The following PDE4B variants were observed in gnomAD, a reference collection of about 807,000 sequenced individuals.
PDE4B encodes phosphodiesterase 4B.
PDE4B carries 20 observed loss-of-function variants against 82.2 expected under a neutral mutation model. That is an observed-to-expected ratio of 0.24 (90% CI 0.17 to 0.35). The LOEUF is 0.35. PDE4B is among the 10% of genes least tolerant of loss of function. The probability of loss-of-function intolerance (pLI) is 1.00; values close to 1 mark genes in which losing one functional copy is unlikely to be tolerated. For missense variants in PDE4B, 655 were observed against 907.2 expected, an observed-to-expected ratio of 0.72 and a Z score of 3.57; for synonymous variants, 320 against 318.9, an observed-to-expected ratio of 1.00 and a Z score of -0.04.
At chr1:66,038,368 T>A (rs1654175292) in intron 3 of PDE4B, among the ~76,000 whole-genome samples, 1 of 152,138 alleles carries the variant, frequency 6.6e-6, no homozygotes, top group African/African-American at 2.4e-5. Context: ...TAGAACCACA[T>A]AGCAGGGGGT....
chr1:66,031,914 C>T (rs1374115021), intron 3 of PDE4B, among the ~76,000 whole-genome samples: 1 of 152,180 alleles, frequency 6.6e-6, no homozygotes, highest in Non-Finnish European at 1.5e-5. Flanking sequence ...AATTAACTTT[C>T]CATCCTCTCC....
At chr1:65,896,847 A>C (rs1646915849) in intron 1 of PDE4B, among the ~76,000 whole-genome samples, 1 of 152,180 alleles carries the variant, frequency 6.6e-6, no homozygotes. Context: ...ACTGTGAAGC[A>C]GTTGTTATAT....
chr1:65,970,779 A>G (rs375728377), intron 3 of PDE4B, among the ~76,000 whole-genome samples: 1 of 152,102 alleles, frequency 6.6e-6, no homozygotes, highest in East Asian at 1.9e-4. Context: ...CATTGCATCT[A>G]TAACAAGCAA....
At chr1:66,049,477 A>G (rs768586296) in intron 3 of PDE4B, among the ~76,000 whole-genome samples, 1 of 152,032 alleles carries the variant, frequency 6.6e-6, no homozygotes, top group Non-Finnish European at 1.5e-5. Context: ...TCACCAAATA[A>G]TAGAGGGTGC....
At position 66,219,913 on chromosome 1, in the gene PDE4B, A is replaced by C. The variant is rs960103286; in HGVS notation, c.282-27547A>C. Among the ~76,000 whole-genome samples, 5 of 152,170 alleles carry C rather than the reference A, an allele frequency of 3.3e-5. No individual in the cohort carries two copies. The East Asian group carries it at 5.8e-4, about 18-fold the overall frequency. On this transcript the variant is annotated intron_variant, in intron 3 of 16. Transcript: ENST00000341517. ...GCAGCAGAGACAACATACTGTGTAC[A>C]ATTCTGGAAACATTTATCATTTCTC...
intron 3 of PDE4B, among the ~76,000 whole-genome samples, chr1:66,153,411 A>G (rs1450215946): frequency 6.6e-6 from 1 of 152,176 alleles, no homozygotes; most frequent in African/African-American, 2.4e-5. Context: ...TCTGCTTTGC[A>G]TTATTTGTAA....
intron 3 of PDE4B, among the ~76,000 whole-genome samples, chr1:66,230,255 G>A (rs191367299): frequency 6.4e-4 from 97 of 152,314 alleles, no homozygotes; most frequent in African/African-American, 2.3e-3. Flanking sequence ...AAGCAGAAAT[G>A]AGTAAATAAA....
Position 66,367,687 on chromosome 1 carries a change from AT to A in PDE4B, c.1385-6del, listed in dbSNP as rs775761439. 6.2e-7 allele frequency: 1 copy of A among 1,601,630 alleles called. No individual in the cohort carries two copies. On this transcript the variant is annotated splice_polypyrimidine_tract_variant and splice_region_variant and intron_variant, in intron 13 of 16. Coordinates refer to ENST00000341517, the MANE Select transcript of PDE4B (RefSeq NM_002600.4). ...TTTAATTAAGTCATCATTTGGTCTG[AT>A]TTATTAGATTCAGAACTTGCTTTGA...
intron 7 of PDE4B, among the ~76,000 whole-genome samples, chr1:66,302,190 T>C (rs1657942575): frequency 1.3e-5 from 2 of 152,164 alleles, no homozygotes; most frequent in Admixed American, 6.6e-5. Context: ...CAGGAGGCAA[T>C]GGAAAAGCAC....
chr1:66,286,395 G>A (rs977422719), intron 7 of PDE4B, among the ~76,000 whole-genome samples: 1 of 152,064 alleles, frequency 6.6e-6, no homozygotes. Flanking sequence ...ATAGCCTGTG[G>A]CCTTGGCAGA....
intron 3 of PDE4B, among the ~76,000 whole-genome samples, chr1:65,965,255 C>CA (rs1292561038): frequency 6.6e-6 from 1 of 151,914 alleles, no homozygotes; most frequent in Non-Finnish European, 1.5e-5. Flanking sequence ...CTCCCCCCCC[C>CA]ATGGAAAAGG....
At chr1:66,146,492 G>T (rs560211034) in intron 3 of PDE4B, among the ~76,000 whole-genome samples, 53 of 152,144 alleles carry the variant, frequency 3.5e-4, no homozygotes, top group Non-Finnish European at 6.3e-4. Context: ...CCTGGGCAGT[G>T]TGATTTTATG....
At chr1:66,345,290 T>A (rs1661310308) in intron 8 of PDE4B, among the ~76,000 whole-genome samples, 1 of 151,738 alleles carries the variant, frequency 6.6e-6, no homozygotes, top group South Asian at 2.1e-4. Flanking sequence ...ATTTATTATA[T>A]TCTCGTATAA....
At chr1:65,914,074 C>T (rs909679031) in intron 2 of PDE4B, among the ~76,000 whole-genome samples, 15 of 152,050 alleles carry the variant, frequency 9.9e-5, no homozygotes, top group African/African-American at 3.6e-4. Context: ...TCATCTTTAC[C>T]CAATTACTGT....
chr1:66,338,826 G>A (rs1660725019), intron 8 of PDE4B, among the ~76,000 whole-genome samples: 1 of 151,804 alleles, frequency 6.6e-6, no homozygotes, highest in South Asian at 2.1e-4. Flanking sequence ...AGACCATCCC[G>A]GCTAAAACGG....
chr1:66,141,421 A>ATGACTTTATTT (rs1389847930), intron 3 of PDE4B, among the ~76,000 whole-genome samples: 1 of 149,556 alleles, frequency 6.7e-6, no homozygotes, highest in Non-Finnish European at 1.5e-5. Context: ...TTTCCCGAAG[A>ATGACTTTATTT]TGACTTTATT....
chr1:65,919,104 T>C (rs1647194542), intron 3 of PDE4B, among the ~76,000 whole-genome samples: 1 of 152,198 alleles, frequency 6.6e-6, no homozygotes, highest in Admixed American at 6.5e-5. Context: ...GATAACAAAA[T>C]TACTGCTTAT....
At chr1:66,205,823 T>G (rs1258612911) in intron 3 of PDE4B, among the ~76,000 whole-genome samples, 1 of 152,232 alleles carries the variant, frequency 6.6e-6, no homozygotes, top group African/African-American at 2.4e-5. Flanking sequence ...TAGCCAGATT[T>G]TAAATCCTGT....
intron 3 of PDE4B, among the ~76,000 whole-genome samples, chr1:66,196,391 C>A (rs1028578911): frequency 4.6e-5 from 7 of 152,206 alleles, no homozygotes; most frequent in Admixed American, 4.6e-4. Flanking sequence ...GATACTCTCC[C>A]AAACAGATGC....
Sources: gnomAD v4.1 joint callset for allele counts (sites outside exome capture counted in the v4.1 genomes callset) on GRCh38, gnomAD v4.1.1 for gene constraint, MANE v1.5 for transcripts, NCBI Gene and HGNC (gene_info 2026-07-23, HGNC 2026-07-21) for gene names.